Variants in XIAP observed in about 807,000 individuals in gnomAD.
The protein encoded by XIAP is X-linked inhibitor of apoptosis.
A neutral mutation model predicts 33.1 loss-of-function variants in XIAP; 3 were observed. The ratio of observed to expected loss-of-function variants is 0.09; its 90% CI spans 0.04 to 0.23. XIAP has a LOEUF of 0.23. Among genes scored for constraint, XIAP ranks in the 10% least tolerant of loss-of-function variants. The probability of loss-of-function intolerance (pLI) is 1.00; values close to 1 mark genes in which losing one functional copy is unlikely to be tolerated. For missense variants in XIAP, 264 were observed against 363.0 expected (o/e 0.73, Z 2.22); for synonymous variants, 98 against 121.3 (o/e 0.81, Z 1.26).
At chrX:123,895,951 G>C (rs780108187) in intron 5 of XIAP, among the ~76,000 whole-genome samples, 2 of 110,800 alleles carry the variant, frequency 1.8e-5, no homozygotes, top group Non-Finnish European at 3.8e-5. Context: ...TAGTAGGGAC[G>C]GGGTTTCGCT....
At chrX:123,880,246 C>G (rs1296686746) in intron 1 of XIAP, among the ~76,000 whole-genome samples, 1 of 84,168 alleles carries the variant, frequency 1.2e-5, no homozygotes, top group African/African-American at 4.5e-5. Context: ...AACCCTGTCT[C>G]TACTAAAAAT....
chrX:123,864,767 C>CGTGTGTGTGT (rs752421505), intron 1 of XIAP, among the ~76,000 whole-genome samples: 29 of 52,658 alleles, frequency 5.5e-4, no homozygotes, highest in Non-Finnish European at 1.7e-4. Context: ...GTCGCATTCT[C>CGTGTGTGTGT]GTGTGTGTGT....
At chrX:123,899,243 A>ATATATATATGATTTTG (rs1176579752) in intron 5 of XIAP, among the ~76,000 whole-genome samples, 6 of 86,664 alleles carry the variant, frequency 6.9e-5, no homozygotes, top group African/African-American at 1.7e-4. Context: ...ATGATTTTGT[A>ATATATATATGATTTTG]TATATATATG....
At chrX:123,859,820 G>T, upstream of XIAP, 1 of 248,698 alleles carries the variant, frequency 4.0e-6, no homozygotes, top group Non-Finnish European at 7.6e-6. Context: ...TTTTCTTACT[G>T]CCCCCATCCG....
At chrX:123,874,502 GA>G (rs1258346825) in intron 1 of XIAP, 1 of 111,092 alleles carries the variant, frequency 9.0e-6, no homozygotes, top group Admixed American at 9.7e-5. Flanking sequence ...GAATGATACA[GA>G]GAAGGTTAAC....
chrX:123,905,865 G>C (rs1452734811), intron 6 of XIAP, among the ~76,000 whole-genome samples: 1 of 112,383 alleles, frequency 8.9e-6, no homozygotes, highest in Non-Finnish European at 1.9e-5. Flanking sequence ...TGTCCTGGAT[G>C]ACAGTGGTTC....
rs1372221176 is a variant in XIAP at position 123,910,325 on chromosome X, T to C, written c.*3144T>C. On this transcript the variant is annotated 3_prime_UTR_variant, in exon 7 of 7. Transcript: ENST00000371199. ...TGATTTGGCCCTGTGTATTATGATA[T>C]TTTGTTATTTTTGTTGTTATATTAT... 7 of 327,449 alleles carry C rather than the reference T, an allele frequency of 2.1e-5. No homozygotes were observed. Among genetic ancestry groups the C allele is most frequent in the Non-Finnish European group, 4.1e-5 (7 of 169,655 alleles). 27.0% of individuals were successfully genotyped at this position (327,449 alleles called of 1,213,427 possible).
At chrX:123,890,994 G>A (rs1407841883) in intron 3 of XIAP, among the ~76,000 whole-genome samples, 1 of 110,436 alleles carries the variant, frequency 9.1e-6, no homozygotes, top group African/African-American at 3.3e-5. Flanking sequence ...ACTTGTTTTA[G>A]AAAGTTCTCA....
In XIAP at chrX:123,913,794, G is replaced by A. The variant is rs1161109828; in HGVS notation, c.*6613G>A. ...AGTATTGTGAATAATCATGTGAAAT[G>A]TTTTGAGACAGAGTACTATATTTGT... On this transcript the variant is annotated 3_prime_UTR_variant, in exon 7 of 7. Coordinates refer to ENST00000371199, the MANE Select transcript of XIAP (RefSeq NM_001167.4). 3.1e-6 allele frequency: 1 copy of A among 325,350 alleles called. No homozygotes were observed. The highest frequency in any genetic ancestry group is 5.9e-6 in the Non-Finnish European group (1 of 169,040). 26.8% of individuals were successfully genotyped at this position (325,350 alleles called of 1,213,427 possible).
chrX:123,859,711 G>A (rs1394926839), upstream of XIAP: 1 of 163,934 alleles, frequency 6.1e-6, no homozygotes, highest in African/African-American at 3.4e-5. Context: ...AGACTACGAG[G>A]TGCTCACTGC....
chrX:123,888,022 A>ATAAATAAG (rs1488519648), intron 2 of XIAP, among the ~76,000 whole-genome samples: 29 of 108,826 alleles, frequency 2.7e-4, no homozygotes, highest in African/African-American at 9.0e-4. Flanking sequence ...AAATAAATAA[A>ATAAATAAG]TAAATAAATA....
chrX:123,881,914 C>T (rs758191695), intron 1 of XIAP, among the ~76,000 whole-genome samples: 38 of 110,133 alleles, frequency 3.5e-4, no homozygotes, highest in Non-Finnish European at 7.0e-4. Context: ...CCACCACACC[C>T]GGCTAATTTT....
chrX:123,900,390 C>A, intron 5 of XIAP, 103 bp from the exon 6 acceptor site: 1 of 736,612 alleles, frequency 1.4e-6, no homozygotes, highest in Non-Finnish European at 2.0e-6. Context: ...CTTTCGCTTG[C>A]TCCTTAATTT....
In XIAP at chrX:123,888,004, TAATAAATA is replaced by T. The variant is rs911261667; in HGVS notation, c.878-587_878-580del. Among the ~76,000 whole-genome samples, 174 of 66,517 alleles carry T rather than the reference TAATAAATA, an allele frequency of 2.6e-3. 1 individual carries two copies. The highest frequency in any genetic ancestry group is 0.01 in the Admixed American group (60 of 5,984). 57.8% of individuals were successfully genotyped at this position (66,517 alleles called of 115,157 possible). Reference sequence around the variant, plus strand: ...CATCTCAGAAAAAAATAATAATAATTAATAAATAAATAAATAAATAAATAAATAAATAA... The same window carrying T: ...CATCTCAGAAAAAAATAATAATAATTAATAAATAAATAAATAAATAAATAA... On this transcript the variant is annotated intron_variant, in intron 2 of 6. Coordinates refer to ENST00000371199, the MANE Select transcript of XIAP (RefSeq NM_001167.4).
At chrX:123,875,709 G>A (rs2053238161) in intron 1 of XIAP, among the ~76,000 whole-genome samples, 3 of 107,035 alleles carry the variant, frequency 2.8e-5, no homozygotes, top group Admixed American at 2.0e-4. Flanking sequence ...TTTTTGAGAC[G>A]GAGTCTCGCT....
In XIAP at chrX:123,906,982, T is replaced by C. The variant is rs762562429; in HGVS notation, c.1301-6T>C. On this transcript the variant is annotated splice_polypyrimidine_tract_variant and splice_region_variant and intron_variant, in intron 6 of 6. Transcript: ENST00000371199. ...AAACTAGCATAATTATTTTCTCTTT[T>C]TGCAGAGATTAGTACTGAAGAGCAG... The C allele has an allele frequency of 8.3e-7, 1 of 1,210,433 alleles. No homozygotes were observed. The highest frequency in any genetic ancestry group is 1.1e-6 in the Non-Finnish European group (1 of 894,476).
At chrX:123,867,046 C>CT (rs2053146465) in intron 1 of XIAP, among the ~76,000 whole-genome samples, 2 of 77,177 alleles carry the variant, frequency 2.6e-5, no homozygotes, top group Non-Finnish European at 5.0e-5. Flanking sequence ...ATCCCCCCCC[C>CT]CCCTTCAACA....
intron 1 of XIAP, among the ~76,000 whole-genome samples, chrX:123,876,391 AC>A (rs2053244483): frequency 9.0e-6 from 1 of 110,806 alleles, no homozygotes. Context: ...AAGGTCATTC[AC>A]TCCAGCATTG....
chrX:123,892,213 A>G (rs1315001334), intron 4 of XIAP, among the ~76,000 whole-genome samples: 2 of 110,505 alleles, frequency 1.8e-5, no homozygotes, highest in East Asian at 5.7e-4. Flanking sequence ...TAAAAATACA[A>G]AAATTTAGCT....
Sources: allele counts gnomAD v4.1 joint callset (sites outside exome capture counted in the v4.1 genomes callset), GRCh38; gene constraint gnomAD v4.1.1; transcripts MANE v1.5; gene names NCBI Gene and HGNC (gene_info 2026-07-23, HGNC 2026-07-21).